The following SLC9A2 variants were observed in gnomAD, a reference collection of about 807,000 sequenced individuals.
SLC9A2 encodes sodium/hydrogen exchanger 2.
In SLC9A2, 42 loss-of-function variants were observed where a neutral mutation model predicts 71.7. The observed-to-expected ratio is 0.59, with a 90% CI of 0.46 to 0.76. The LOEUF is 0.76. Ranked by LOEUF, SLC9A2 falls within the 30% of genes least tolerant of loss-of-function variation. SLC9A2 has a pLI of 0.00. For missense variants in SLC9A2, 829 were observed against 1,017.4 expected, an observed-to-expected ratio of 0.81 and a Z score of 2.52; for synonymous variants, 396 against 392.5, an observed-to-expected ratio of 1.01 and a Z score of -0.10.
At chr2:102,635,867 G>T (rs1045116954) in intron 1 of SLC9A2, among the ~76,000 whole-genome samples, 1 of 150,626 alleles carries the variant, frequency 6.6e-6, no homozygotes, top group Non-Finnish European at 1.5e-5. Flanking sequence ...TTAATGATTG[G>T]CTCCATCTGC....
chr2:102,665,486 A>AT (rs779527318), intron 3 of SLC9A2, 136 bp downstream of exon 3: 256 of 1,083,066 alleles, frequency 2.4e-4, no homozygotes, highest in Non-Finnish European at 3.1e-4. Flanking sequence ...TTAAAAATAG[A>AT]TTTTTCGGAC....
rs374828321 is a variant in SLC9A2, at chr2:102,665,607, T to C, written c.1004+257T>C. On this transcript the variant is annotated intron_variant, in intron 3 of 11. Coordinates refer to ENST00000233969, the MANE Select transcript of SLC9A2 (RefSeq NM_003048.6). ...GGCTAACATGGTGAAACCCCGTCTC[T>C]ACTAAAAATACAAAAAATTAGCCAG... Among the ~76,000 whole-genome samples, 995 of 151,660 alleles carry C rather than the reference T, an allele frequency of 6.6e-3. 10 individuals are homozygous for C. The highest frequency in any genetic ancestry group is 0.023 in the African/African-American group (969 of 41,396).
At chr2:102,641,929 A>C (rs1401754459) in intron 1 of SLC9A2, among the ~76,000 whole-genome samples, 2 of 151,918 alleles carry the variant, frequency 1.3e-5, no homozygotes, top group Admixed American at 6.6e-5. Flanking sequence ...GGATAGCATT[A>C]GCAGAAATAC....
chr2:102,681,803 G>T (rs899774251), intron 3 of SLC9A2, among the ~76,000 whole-genome samples: 2 of 152,140 alleles, frequency 1.3e-5, no homozygotes, highest in African/African-American at 4.8e-5. Flanking sequence ...TCTTCATTTT[G>T]TTTTAATAAG....
chr2:102,627,107 G>A (rs186700180), intron 1 of SLC9A2, among the ~76,000 whole-genome samples: 1 of 151,150 alleles, frequency 6.6e-6, no homozygotes, highest in East Asian at 2.0e-4. Flanking sequence ...GCAACATAGT[G>A]AGGCCCAATC....
intron 5 of SLC9A2, among the ~76,000 whole-genome samples, chr2:102,688,164 A>G (rs979207150): frequency 3.3e-5 from 5 of 152,154 alleles, no homozygotes; most frequent in Non-Finnish European, 5.9e-5. Context: ...AATGTTATTT[A>G]TATCAAATAT....
chr2:102,629,530 C>T (rs528681937), intron 1 of SLC9A2, among the ~76,000 whole-genome samples: 1 of 151,846 alleles, frequency 6.6e-6, no homozygotes, highest in African/African-American at 2.4e-5. Context: ...TTTAAAACAC[C>T]GTAGCTTAAA....
chr2:102,701,275 C>T lies in SLC9A2; in HGVS notation c.1748+44C>T, dbSNP rs746306714. On this transcript the variant is annotated intron_variant, in intron 8 of 11. Transcript: ENST00000233969. Reference sequence around the variant, plus strand: ...ATAAAAGTTAGTATTGTTAAATAGGCATTGATAGTATTTTGAAACTGGTAA... The same window carrying T: ...ATAAAAGTTAGTATTGTTAAATAGGTATTGATAGTATTTTGAAACTGGTAA... 4 of 1,350,022 alleles carry T rather than the reference C, an allele frequency of 3.0e-6. No homozygotes were observed. The South Asian group carries it at 5.4e-5, about 18-fold the overall frequency. The allele number at this position is 1,350,022 out of a possible 1,614,324, so 83.6% of individuals were successfully genotyped here.
chr2:102,694,894 G>A, intron 6 of SLC9A2, 149 bp from the exon 7 acceptor site: 2 of 644,746 alleles, frequency 3.1e-6, no homozygotes, highest in East Asian at 2.7e-5. Flanking sequence ...GTTTGAAAAT[G>A]AACTGTTTTA....
At chr2:102,705,291 G>T (rs974875218) in intron 10 of SLC9A2, among the ~76,000 whole-genome samples, 1 of 151,954 alleles carries the variant, frequency 6.6e-6, no homozygotes, top group Non-Finnish European at 1.5e-5. Context: ...CCTATATTGG[G>T]TTGTCAGAAA....
chr2:102,661,026 G>T (rs114957503), intron 2 of SLC9A2, among the ~76,000 whole-genome samples: 2 of 152,292 alleles, frequency 1.3e-5, no homozygotes, highest in Admixed American at 6.5e-5. Context: ...CAAAGCAAAA[G>T]AAATGCAGAT....
At chr2:102,702,854 T>G (rs994320499) in intron 9 of SLC9A2, among the ~76,000 whole-genome samples, 1 of 152,242 alleles carries the variant, frequency 6.6e-6, no homozygotes, top group Non-Finnish European at 1.5e-5. Context: ...ATTTATAAAG[T>G]GCTATAGTTT....
At chr2:102,678,395 A>G (rs1677382577) in intron 3 of SLC9A2, among the ~76,000 whole-genome samples, 1 of 152,058 alleles carries the variant, frequency 6.6e-6, no homozygotes, top group Non-Finnish European at 1.5e-5. Context: ...CAATGACATG[A>G]GCTAATAAAA....
At chr2:102,689,434 C>T (rs994978253) in intron 5 of SLC9A2, among the ~76,000 whole-genome samples, 10 of 152,120 alleles carry the variant, frequency 6.6e-5, no homozygotes, top group African/African-American at 2.4e-4. Context: ...GGTAGCCTCT[C>T]CCAGCAATTA....
chr2:102,688,939 CA>C (rs909431921), intron 5 of SLC9A2, among the ~76,000 whole-genome samples: 3 of 152,068 alleles, frequency 2.0e-5, no homozygotes, highest in Admixed American at 1.3e-4. Context: ...GAAAGTTAAC[CA>C]AAATTCAAGA....
At chr2:102,678,660 G>A (rs17027732) in intron 3 of SLC9A2, among the ~76,000 whole-genome samples, 8,466 of 152,148 alleles carry the variant, frequency 0.056, 460 homozygotes, top group African/African-American at 0.14. Context: ...ATGCTGTGAC[G>A]TGACATTGTA....
intron 5 of SLC9A2, among the ~76,000 whole-genome samples, chr2:102,692,213 G>A (rs2104546831): frequency 6.6e-6 from 1 of 152,274 alleles, no homozygotes; most frequent in Admixed American, 6.5e-5. Context: ...AACACAAGAT[G>A]TGTTTTATAC....
intron 1 of SLC9A2, among the ~76,000 whole-genome samples, chr2:102,626,149 T>C (rs1226423728): frequency 1.3e-5 from 2 of 152,174 alleles, no homozygotes; most frequent in African/African-American, 4.8e-5. Context: ...GCTGGAGGCA[T>C]CACGCTACCT....
chr2:102,631,541 T>C (rs144323633), intron 1 of SLC9A2, among the ~76,000 whole-genome samples: 63 of 152,202 alleles, frequency 4.1e-4, no homozygotes, highest in African/African-American at 1.5e-3. Context: ...CTAGACCTTT[T>C]CCTTAATTTT....
Sources: gnomAD v4.1 joint callset for allele counts (sites outside exome capture counted in the v4.1 genomes callset) on GRCh38, gnomAD v4.1.1 for gene constraint, MANE v1.5 for transcripts, NCBI Gene and HGNC (gene_info 2026-07-23, HGNC 2026-07-21) for gene names.